ANO4: variants seen among roughly 807,000 people sequenced by gnomAD.
ANO4 encodes the protein anoctamin 4.
ANO4 carries 69 observed loss-of-function variants against 141.9 expected under a neutral mutation model. The observed-to-expected ratio is 0.49, with a 90% CI of 0.40 to 0.59. The LOEUF (loss-of-function observed/expected upper bound fraction) is 0.59, where lower values mean the gene tolerates loss of function less well. Ranked by LOEUF, ANO4 falls within the 20% of genes least tolerant of loss-of-function variation. ANO4 has a pLI of 0.00. For synonymous variants in ANO4, 350 were observed against 394.3 expected (o/e 0.89, Z 1.33); for missense variants, 894 against 1,162.2 (o/e 0.77, Z 3.36).
At chr12:100,983,587 G>GA (rs1329247329) in intron 7 of ANO4, among the ~76,000 whole-genome samples, 2 of 152,150 alleles carry the variant, frequency 1.3e-5, no homozygotes, top group Non-Finnish European at 2.9e-5. Context: ...TTTATTGGCT[G>GA]AAAGTCTTCC....
intron 13 of ANO4, 93 bp from the exon 14 acceptor site, chr12:101,048,248 A>G: frequency 2.9e-6 from 4 of 1,387,116 alleles, no homozygotes; most frequent in Non-Finnish European, 4.0e-6. Flanking sequence ...AACTCATTAT[A>G]TAATCACAGC....
At chr12:100,724,267 G>A (rs1463016667) in intron 1 of ANO4, among the ~76,000 whole-genome samples, 1 of 152,210 alleles carries the variant, frequency 6.6e-6, no homozygotes, top group Non-Finnish European at 1.5e-5. Flanking sequence ...ACCAGACACA[G>A]TATTTAAAAT....
intron 1 of ANO4, among the ~76,000 whole-genome samples, chr12:100,845,892 A>T (rs1554073): frequency 0.83 from 125,954 of 152,058 alleles, 52,197 homozygotes; most frequent in Admixed American, 0.87. Flanking sequence ...AGGAAATGGA[A>T]GCCTAAAGGG....
chr12:100,819,894 G>A (rs1206397790), intron 1 of ANO4, among the ~76,000 whole-genome samples: 1 of 151,792 alleles, frequency 6.6e-6, no homozygotes, highest in Non-Finnish European at 1.5e-5. Context: ...ATGCACACTT[G>A]AATCACCATG....
chr12:100,746,031 A>G (rs1448273481), intron 3 of ANO4, among the ~76,000 whole-genome samples: 2 of 152,248 alleles, frequency 1.3e-5, no homozygotes, highest in Non-Finnish European at 2.9e-5. Flanking sequence ...AGGTCAATTC[A>G]GAATTCCAGA....
chr12:100,933,197 G>A (rs1249697127), intron 3 of ANO4, among the ~76,000 whole-genome samples: 1 of 151,502 alleles, frequency 6.6e-6, no homozygotes, highest in African/African-American at 2.4e-5. Context: ...GTATACATGT[G>A]CCATGTTGGT....
At chr12:100,998,609 T>A (rs931291503) in intron 8 of ANO4, among the ~76,000 whole-genome samples, 6 of 152,186 alleles carry the variant, frequency 3.9e-5, no homozygotes, top group African/African-American at 1.4e-4. Context: ...TGGGTACACA[T>A]CTCTATACGT....
upstream of ANO4, among the ~76,000 whole-genome samples, chr12:100,790,438 A>C (rs939483635): frequency 3.3e-5 from 5 of 152,198 alleles, no homozygotes; most frequent in African/African-American, 1.2e-4. Flanking sequence ...GCAGCCCCTA[A>C]TTCTGTGTTG....
intron 1 of ANO4, among the ~76,000 whole-genome samples, chr12:100,811,241 T>C (rs1323328223): frequency 1.3e-5 from 2 of 152,078 alleles, no homozygotes; most frequent in Non-Finnish European, 2.9e-5. Context: ...ACCTCACATA[T>C]CCAATTGCTT....
At chr12:101,068,472 C>T in intron 14 of ANO4, 2 of 953,762 alleles carry the variant, frequency 2.1e-6, no homozygotes, top group Non-Finnish European at 3.5e-6. Context: ...TAGTGGCTTT[C>T]TTCTCACCCT....
intron 8 of ANO4, among the ~76,000 whole-genome samples, chr12:101,014,996 A>ATTTTT (rs10685175): frequency 2.8e-5 from 4 of 143,588 alleles, no homozygotes; most frequent in African/African-American, 7.6e-5. Context: ...CACCCAGCTA[A>ATTTTT]TTTTTTTTTT....
chr12:100,746,453 T>TAAAAAAAAAAAAAAAAAAAAAAAAA (rs58996492), intron 3 of ANO4, among the ~76,000 whole-genome samples: 1 of 146,914 alleles, frequency 6.8e-6, no homozygotes, highest in African/African-American at 2.5e-5. Context: ...ACTCTGTTAT[T>TAAAAAAAAAAAAAAAAAAAAAAAAA]AAAAAGAATG....
At chr12:100,983,034 T>A (rs1025924053) in intron 7 of ANO4, among the ~76,000 whole-genome samples, 2 of 152,224 alleles carry the variant, frequency 1.3e-5, no homozygotes, top group African/African-American at 4.8e-5. Context: ...GCCTAGTGGC[T>A]TTTGCATTAT....
chr12:100,782,231 C>T (rs1475823229), intron 3 of ANO4, among the ~76,000 whole-genome samples: 2 of 152,158 alleles, frequency 1.3e-5, no homozygotes, highest in African/African-American at 4.8e-5. Flanking sequence ...GAAACTCATG[C>T]CTGACTTTGT....
intron 6 of ANO4, chr12:100,974,634 T>C (rs1416727088): frequency 3.0e-5 from 18 of 603,290 alleles, no homozygotes; most frequent in Non-Finnish European, 5.4e-5. Context: ...GAGGAAGAAA[T>C]ATCAATGGAA....
intron 3 of ANO4, among the ~76,000 whole-genome samples, chr12:100,926,284 A>T (rs2041867066): frequency 6.6e-6 from 1 of 152,160 alleles, no homozygotes; most frequent in African/African-American, 2.4e-5. Context: ...GCATACCCTA[A>T]GTATATCCTC....
intron 1 of ANO4, among the ~76,000 whole-genome samples, chr12:100,729,481 A>G (rs1212044041): frequency 6.6e-6 from 1 of 151,026 alleles, no homozygotes; most frequent in African/African-American, 2.4e-5. Context: ...ATATAATGTT[A>G]TAATATAGGT....
At chr12:100,900,933 C>T (rs563596642) in intron 1 of ANO4, among the ~76,000 whole-genome samples, 2 of 152,284 alleles carry the variant, frequency 1.3e-5, no homozygotes, top group East Asian at 1.9e-4. Flanking sequence ...AAAAGATACA[C>T]ATTGAACTCA....
At chr12:100,748,506 A>G (rs1416628435) in intron 3 of ANO4, among the ~76,000 whole-genome samples, 1 of 152,248 alleles carries the variant, frequency 6.6e-6, no homozygotes, top group Non-Finnish European at 1.5e-5. Context: ...ATGGAAGATC[A>G]GCTACCCTCT....
Sources: gnomAD v4.1 joint callset for allele counts (sites outside exome capture counted in the v4.1 genomes callset) on GRCh38, gnomAD v4.1.1 for gene constraint, MANE v1.5 for transcripts, NCBI Gene and HGNC (gene_info 2026-07-23, HGNC 2026-07-21) for gene names.